Variants in TRIM54 observed in about 807,000 individuals in gnomAD.
The protein encoded by TRIM54 is tripartite motif containing 54, also known as tripartite motif-containing protein 54.
Under a neutral mutation model 42.0 loss-of-function variants are expected in TRIM54, and 40 were observed. That is an observed-to-expected ratio of 0.95 (90% CI 0.74 to 1.24). The LOEUF is 1.24. TRIM54 is among the 50% of genes most tolerant of loss of function. The pLI is 0.00. For synonymous variants in TRIM54, 199 were observed against 194.9 expected (o/e 1.02, Z -0.17); for missense variants, 485 against 480.3 (o/e 1.01, Z -0.09).
intron 1 of TRIM54, among the ~76,000 whole-genome samples, chr2:27,293,436 AT>A (rs767290066): frequency 1.3e-5 from 2 of 152,108 alleles, no homozygotes; most frequent in Non-Finnish European, 2.9e-5. Flanking sequence ...GAATCCGGTG[AT>A]TTATCTACCA....
chr2:27,297,980 CAAA>C (rs60106105), intron 1 of TRIM54, among the ~76,000 whole-genome samples: 14 of 56,854 alleles, frequency 2.5e-4, no homozygotes, highest in South Asian at 8.5e-4. Context: ...GAACCTGTCT[CAAA>C]AAAAAAAAAA....
intron 1 of TRIM54, among the ~76,000 whole-genome samples, chr2:27,297,709 G>T (rs1427797869): frequency 6.6e-6 from 1 of 152,218 alleles, no homozygotes; most frequent in South Asian, 2.1e-4. Context: ...GTTGGGCATG[G>T]TGGCTTACGC....
At chr2:27,304,625 T>C (rs552576729) in intron 3 of TRIM54, 39 of 242,114 alleles carry the variant, frequency 1.6e-4, no homozygotes, top group Non-Finnish European at 2.8e-4. Context: ...GGCAATATTA[T>C]GCCAATGGAT....
intron 2 of TRIM54, 51 bp downstream of exon 2, chr2:27,298,790 C>T (rs1678943171): frequency 2.5e-6 from 4 of 1,579,586 alleles, no homozygotes; most frequent in Non-Finnish European, 3.5e-6. Flanking sequence ...TGGGACACAG[C>T]CAAGGAACCC....
chr2:27,305,701 C>G lies in TRIM54; in HGVS notation c.727C>G (p.Leu243Val). 1 of 1,612,776 alleles carries G rather than the reference C, an allele frequency of 6.2e-7. No homozygotes were observed. Among genetic ancestry groups the G allele is most frequent in the Non-Finnish European group, 8.5e-7 (1 of 1,179,574 alleles). Residue 243 changes from leucine to valine, a missense_variant, in exon 5 of 9, where the codon CTG becomes GTG. Physicochemically the swap from Leu to Val is conservative, Grantham distance 32. Coordinates refer to ENST00000380075, the MANE Select transcript of TRIM54 (RefSeq NM_187841.3). ...QALAREQEEK[L>V]QRVRGLIRQY... Reference sequence around the variant, plus strand: ...GCTGGCCCGGGAGCAAGAGGAGAAGCTGCAGCGCGTCCGCGGCCTCATCCG... The same window carrying G: ...GCTGGCCCGGGAGCAAGAGGAGAAGGTGCAGCGCGTCCGCGGCCTCATCCG...
In TRIM54 at chr2:27,298,567, G is replaced by T; in HGVS notation, c.169G>T (p.Ala57Ser). ...CRKCANDVFQ[A>S]SNPLWQSRGS... ...TCTCTCAAGCCATCTGTCCCTGCAGGCCTCGAATCCTCTATGGCAGTCCCG... is the reference window on the plus strand; with the variant it reads ...TCTCTCAAGCCATCTGTCCCTGCAGTCCTCGAATCCTCTATGGCAGTCCCG... The change falls in exon 2 of 9, where the codon GCC (alanine) becomes TCC (serine). Residue 57 changes from alanine to serine, a missense_variant and splice_region_variant. Coordinates refer to ENST00000380075, the MANE Select transcript of TRIM54 (RefSeq NM_187841.3). 1 of 1,612,724 alleles carries T rather than the reference G, an allele frequency of 6.2e-7. No homozygotes were observed. The highest frequency in any genetic ancestry group is 8.5e-7 in the Non-Finnish European group (1 of 1,179,162).
At position 27,306,905 on chromosome 2, in the gene TRIM54, C is replaced by T. The variant is rs1360884562; in HGVS notation, c.*20C>T. 5.9e-6 allele frequency: 2 copies of T among 338,302 alleles called. No individual in the cohort carries two copies. Among genetic ancestry groups the T allele is most frequent in the Non-Finnish European group, 1.1e-5 (2 of 183,392 alleles). 21.0% of individuals were successfully genotyped at this position (338,302 alleles called of 1,614,324 possible). ...GGCACAGGCCTGCGCCGACCCGACCCTGCTCGAGAGCCCGCGCTAGAGTCG... is the reference window on the plus strand; with the variant it reads ...GGCACAGGCCTGCGCCGACCCGACCTTGCTCGAGAGCCCGCGCTAGAGTCG... On this transcript the variant is annotated 3_prime_UTR_variant, in exon 9 of 9. Transcript: ENST00000380075. This position sits in a 1 kb window ranked among gnomAD's most constrained non-coding sequence, Gnocchi z 6.1.
chr2:27,284,063 G>A (rs1678488177), intron 1 of TRIM54, among the ~76,000 whole-genome samples: 1 of 152,088 alleles, frequency 6.6e-6, no homozygotes, highest in Non-Finnish European at 1.5e-5. Context: ...AACCCAGGAG[G>A]TGGAGGTTGC....
rs756980970 is a variant in TRIM54 at position 27,306,274 on chromosome 2, G to C, written c.928G>C (p.Glu310Gln). The change falls in exon 7 of 9, where the codon GAG becomes CAG. Residue 310 changes from glutamate (E) to glutamine (Q), a missense_variant. By Grantham distance (29) the Glu-to-Gln change is conservative. Coordinates refer to ENST00000380075, the MANE Select transcript of TRIM54 (RefSeq NM_187841.3). The surrounding 1 kb of genome is among the most constrained non-coding windows in gnomAD (Gnocchi z 6.1). ...GCCGGAGCCAGGCTATGAGAGCATGGAGCAATTCACCGTAAGGGTGGAGCA... is the reference window on the plus strand; with the variant it reads ...GCCGGAGCCAGGCTATGAGAGCATGCAGCAATTCACCGTAAGGGTGGAGCA... The part of the protein sequence containing the change: ...GRPEPGYESM[E>Q]QFTVRVEHVA... The C allele has an allele frequency of 2.5e-5, 41 of 1,614,030 alleles. No homozygotes were observed. The highest frequency in any genetic ancestry group is 3.4e-5 in the Non-Finnish European group (40 of 1,180,034).
rs1459947780 is a variant in TRIM54 at position 27,307,133 on chromosome 2, A to G, written c.*248A>G. On this transcript the variant is annotated 3_prime_UTR_variant, in exon 9 of 9. Coordinates refer to ENST00000380075, the MANE Select transcript of TRIM54 (RefSeq NM_187841.3). This position sits in a 1 kb window ranked among gnomAD's most constrained non-coding sequence, Gnocchi z 6.9. ...GGGGGCGGAAGCCAAATGAACCCCT[A>G]TTGGGCACCTCTGTGATGCCAGGAG... is the stretch of plus-strand genomic sequence containing the variant. The G allele has an allele frequency of 1.1e-5, 3 of 278,554 alleles. No homozygotes were observed. Among genetic ancestry groups the G allele is most frequent in the South Asian group, 8.1e-5 (2 of 24,574 alleles). The allele number at this position is 278,554 out of a possible 1,614,324, so 17.3% of individuals were successfully genotyped here.
Position 27,307,137 on chromosome 2 carries a change from G to A in TRIM54, c.*252G>A, listed in dbSNP as rs1008965708. On this transcript the variant is annotated 3_prime_UTR_variant, in exon 9 of 9. Coordinates refer to ENST00000380075, the MANE Select transcript of TRIM54 (RefSeq NM_187841.3). This position sits in a 1 kb window ranked among gnomAD's most constrained non-coding sequence, Gnocchi z 6.9. ...GCGGAAGCCAAATGAACCCCTATTG[G>A]GCACCTCTGTGATGCCAGGAGCGAA... 34 of 291,756 alleles carry A rather than the reference G, an allele frequency of 1.2e-4. No homozygotes were observed. The highest frequency in any genetic ancestry group is 7.3e-4 in the African/African-American group (32 of 43,856). 18.1% of individuals were successfully genotyped at this position (291,756 alleles called of 1,614,324 possible).
intron 1 of TRIM54, among the ~76,000 whole-genome samples, chr2:27,283,782 G>GTGCACACA (rs1553379093): frequency 5.8e-5 from 5 of 86,322 alleles, no homozygotes; most frequent in African/African-American, 2.4e-4. Flanking sequence ...ACACACACGC[G>GTGCACACA]CGCACACACA....
At chr2:27,295,126 C>T (rs1473187562) in intron 1 of TRIM54, among the ~76,000 whole-genome samples, 1 of 150,840 alleles carries the variant, frequency 6.6e-6, no homozygotes, top group Non-Finnish European at 1.5e-5. Context: ...AGTGCAATGG[C>T]GCAATCTCGG....
intron 1 of TRIM54, among the ~76,000 whole-genome samples, chr2:27,294,842 A>T (rs1464472261): frequency 7.3e-6 from 1 of 137,612 alleles, no homozygotes; most frequent in Non-Finnish European, 1.5e-5. Context: ...GTGAGCTGAG[A>T]TTGCACCACT....
intron 1 of TRIM54, among the ~76,000 whole-genome samples, chr2:27,290,408 C>T (rs530692367): frequency 6.6e-6 from 1 of 152,290 alleles, no homozygotes; most frequent in East Asian, 1.9e-4. Context: ...TGGCTCATGC[C>T]TGTAATCCCA....
intron 1 of TRIM54, among the ~76,000 whole-genome samples, chr2:27,292,267 T>G (rs1163273111): frequency 1.3e-5 from 2 of 152,196 alleles, no homozygotes; most frequent in African/African-American, 4.8e-5. Context: ...TCCTGATTAC[T>G]TTTTTCTTTC....
chr2:27,287,723 C>T (rs886861473), intron 1 of TRIM54, among the ~76,000 whole-genome samples: 3 of 152,284 alleles, frequency 2.0e-5, no homozygotes, highest in South Asian at 4.1e-4. Flanking sequence ...CAGACAAAGT[C>T]TTACTATGTT....
At position 27,298,676 on chromosome 2, in the gene TRIM54, A is replaced by G. The variant is rs1678937933; in HGVS notation, c.278A>G (p.Tyr93Cys). 4 of 1,613,990 alleles carry G rather than the reference A, an allele frequency of 2.5e-6. No individual in the cohort carries two copies. Among genetic ancestry groups the G allele is most frequent in the Admixed American group, 1.7e-5 (1 of 60,000 alleles). The change falls in exon 2 of 9, where the codon TAC becomes TGC. Residue 93 changes from tyrosine to cysteine, a missense_variant. Coordinates refer to ENST00000380075, the MANE Select transcript of TRIM54 (RefSeq NM_187841.3). ...GTTGTCCTGGACAGACACGGTGTCT[A>G]CGGCCTGCAGCGAAACCTGCTAGTG... is the stretch of plus-strand genomic sequence containing the variant. ...HEVVLDRHGV[Y>C]GLQRNLLVEN...
rs1349738504 is a variant in TRIM54, at chr2:27,305,712, CCG to C, written c.741_742del (p.Gly248ProfsTer14). On this transcript the variant is annotated frameshift_variant, in exon 5 of 9. Coordinates refer to ENST00000380075, the MANE Select transcript of TRIM54 (RefSeq NM_187841.3). LOFTEE classifies it high-confidence loss of function. Reference sequence around the variant, plus strand: ...AGCAAGAGGAGAAGCTGCAGCGCGTCCGCGGCCTCATCCGTCAGTATGGCGAC... The same window carrying C: ...AGCAAGAGGAGAAGCTGCAGCGCGTCCGGCCTCATCCGTCAGTATGGCGAC... The part of the protein sequence containing the change: ...REQEEKLQRV[R>X]GLIRQYGDHL... 6.2e-7 allele frequency: 1 copy of C among 1,612,476 alleles called. No homozygotes were observed. The highest frequency in any genetic ancestry group is 8.5e-7 in the Non-Finnish European group (1 of 1,179,390).
Sources: gnomAD v4.1 joint callset for allele counts (sites outside exome capture counted in the v4.1 genomes callset) on GRCh38, gnomAD v4.1.1 for gene constraint, Gnocchi (gnomAD v3.1) non-coding constraint, MANE v1.5 for transcripts, NCBI Gene and HGNC (gene_info 2026-07-23, HGNC 2026-07-21) for gene names.